The following HSCB variants were observed in gnomAD, a reference collection of about 807,000 sequenced individuals.
The protein encoded by HSCB is iron-sulfur cluster co-chaperone protein HscB.
A neutral mutation model predicts 31.3 loss-of-function variants in HSCB; 23 were observed. The observed-to-expected ratio is 0.74, with a 90% confidence interval of 0.53 to 1.04. The LOEUF (loss-of-function observed/expected upper bound fraction) is 1.04, where lower values mean the gene tolerates loss of function less well. Ranked by LOEUF, HSCB falls within the 50% of genes least tolerant of loss-of-function variation. The pLI is 0.00. For synonymous variants in HSCB, 110 were observed against 104.5 expected (o/e 1.05, Z -0.32); for missense variants, 297 against 288.1 (o/e 1.03, Z -0.22).
chr22:28,755,797 C>T (rs1422208788), intron 5 of HSCB, among the ~76,000 whole-genome samples: 2 of 152,100 alleles, frequency 1.3e-5, no homozygotes. Flanking sequence ...GATAATTCTT[C>T]GTTTGGGGGA....
intron 4 of HSCB, among the ~76,000 whole-genome samples, chr22:28,750,473 C>T (rs897907967): frequency 8.5e-5 from 13 of 152,076 alleles, no homozygotes; most frequent in Admixed American, 3.3e-4. Context: ...CTTTTGTGGA[C>T]ACCACACTGC....
At chr22:28,754,318 A>G (rs1235051691) in intron 5 of HSCB, among the ~76,000 whole-genome samples, 3 of 152,116 alleles carry the variant, frequency 2.0e-5, no homozygotes, top group African/African-American at 7.2e-5. Flanking sequence ...AGAGTCAGGA[A>G]GAGGAAAATA....
Position 28,750,288 on chromosome 22 carries a change from G to T in HSCB, c.569-953G>T, listed in dbSNP as rs563622136. 1.6e-4 allele frequency among the ~76,000 whole-genome samples: 22 copies of T among 140,430 alleles called. 1 individual carries two copies. In the South Asian group the frequency reaches 4.8e-3, roughly 31 times the overall value. 92.1% of individuals were successfully genotyped at this position (140,430 alleles called of 152,430 possible). ...AAAAAAAAAAAAAACACTTATTCTA[G>T]CCCTATAGTAAACATTTGACTTTGA... On this transcript the variant is annotated intron_variant, in intron 4 of 5. Coordinates refer to ENST00000216027, the MANE Select transcript of HSCB (RefSeq NM_172002.5).
At chr22:28,748,496 C>A (rs1353029144) in intron 4 of HSCB, among the ~76,000 whole-genome samples, 1 of 151,730 alleles carries the variant, frequency 6.6e-6, no homozygotes, top group South Asian at 2.1e-4. Flanking sequence ...TTTTTGAAAC[C>A]CAAGCGTTTT....
intron 4 of HSCB, among the ~76,000 whole-genome samples, chr22:28,748,439 G>A (rs73170631): frequency 0.039 from 5,995 of 151,896 alleles, 184 homozygotes; most frequent in Middle Eastern, 0.099. Flanking sequence ...TGGTCTGTCC[G>A]TACCTTCAGG....
At chr22:28,751,158 G>C (rs1219421526) in intron 4 of HSCB, 83 bp from the exon 5 acceptor site, 28 of 822,696 alleles carry the variant, frequency 3.4e-5, no homozygotes, top group Middle Eastern at 2.3e-4. Flanking sequence ...GTTCAAACCA[G>C]CATGATTACA....
At chr22:28,748,243 A>G (rs886345167) in intron 4 of HSCB, among the ~76,000 whole-genome samples, 2 of 152,190 alleles carry the variant, frequency 1.3e-5, no homozygotes, top group African/African-American at 4.8e-5. Context: ...CACCACTTGC[A>G]CAAGCGTAAA....
chr22:28,742,401 G>C, intron 1 of HSCB, 70 bp downstream of exon 1: 1 of 1,571,438 alleles, frequency 6.4e-7, no homozygotes, highest in Non-Finnish European at 8.7e-7. Context: ...CGAGAGGGGA[G>C]GACGGATCTG....
In HSCB at chr22:28,750,956, T is replaced by TTC. The variant is rs2030198679; in HGVS notation, c.569-284_569-283insCT. 3.5e-5 allele frequency among the ~76,000 whole-genome samples: 5 copies of TTC among 143,804 alleles called. 1 individual carries two copies. Among genetic ancestry groups the TTC allele is most frequent in the Non-Finnish European group, 7.6e-5 (5 of 66,194 alleles). The allele number at this position is 143,804 out of a possible 152,430, so 94.3% of individuals were successfully genotyped here. ...AAGTATATCTTTGTCTTTTTTTTTT[T>TTC]TTTTTTTTTTTTTACTGATTCTATA... is the stretch of plus-strand genomic sequence containing the variant. On this transcript the variant is annotated intron_variant, in intron 4 of 5. Transcript: ENST00000216027.
At position 28,742,054 on chromosome 22, in the gene HSCB, T is replaced by G. The variant is rs1193366307; in HGVS notation, c.-42T>G. On this transcript the variant is annotated 5_prime_UTR_variant, in exon 1 of 6. Transcript: ENST00000216027. ...TAGTCTGGTTAGACGCTCTCTTTGC[T>G]TTTCCCCACGAGTGACCACGGCTAG... The G allele has an allele frequency of 5.7e-6, 9 of 1,568,592 alleles. No homozygotes were observed. The African/African-American group carries it at 6.8e-5, about 12-fold the overall frequency.
intron 2 of HSCB, 74 bp from the exon 3 acceptor site, chr22:28,744,541 G>A (rs9625551): frequency 0.035 from 39,986 of 1,154,858 alleles, 1,177 homozygotes; most frequent in East Asian, 0.098. Flanking sequence ...ATGACTCAAC[G>A]TCAAAACAAA....
intron 5 of HSCB, among the ~76,000 whole-genome samples, chr22:28,753,051 C>G (rs5997393): frequency 0.12 from 18,920 of 151,738 alleles, 1,248 homozygotes; most frequent in East Asian, 0.18. Flanking sequence ...TGCACTCCAA[C>G]CTGGGTGACA....
rs2054639541 is a variant in HSCB, at chr22:28,743,937, C to G, written c.292C>G (p.Gln98Glu). The change falls in exon 2 of 6, where the codon CAG becomes GAG. Residue 98 changes from glutamine to glutamate, a missense_variant. Coordinates refer to ENST00000216027, the MANE Select transcript of HSCB (RefSeq NM_172002.5). Reference sequence around the variant, plus strand: ...GCTCCAGCACAGGTACCAGCAACTGCAGCGTCTTGTCCACCCAGATTTCTT... The same window carrying G: ...GCTCCAGCACAGGTACCAGCAACTGGAGCGTCTTGTCCACCCAGATTTCTT... Reference protein sequence around the residue: ...AKLQHRYQQLQRLVHPDFFSQ... With the variant: ...AKLQHRYQQLERLVHPDFFSQ... The G allele has an allele frequency of 6.2e-7, 1 of 1,614,198 alleles. No homozygotes were observed. The highest frequency in any genetic ancestry group is 1.3e-5 in the African/African-American group (1 of 75,072).
At position 28,742,206 on chromosome 22, in the gene HSCB, T is replaced by C; in HGVS notation, c.111T>C (p.Asn37=). 1 of 1,613,792 alleles carries C rather than the reference T, an allele frequency of 6.2e-7. No individual in the cohort carries two copies. Among genetic ancestry groups the C allele is most frequent in the Non-Finnish European group, 8.5e-7 (1 of 1,179,928 alleles). The change falls in exon 1 of 6, where the codon AAT becomes AAC. Residue 37 remains asparagine (N), a synonymous_variant. Coordinates refer to ENST00000216027, the MANE Select transcript of HSCB (RefSeq NM_172002.5). ...SCDAASQAGS[N]YPRCWNCGGP... is the part of the protein sequence containing the mutation. The stretch of plus-strand genomic sequence containing the variant: ...ATGCTGCGTCGCAGGCGGGAAGCAA[T>C]TATCCCCGCTGTTGGAACTGCGGCG...
intron 4 of HSCB, among the ~76,000 whole-genome samples, chr22:28,749,642 G>A (rs1044447160): frequency 1.6e-4 from 24 of 152,164 alleles, no homozygotes; most frequent in African/African-American, 5.6e-4. Context: ...AAACAGTAAT[G>A]AGAAAAGATG....
chr22:28,745,167 T>C (rs1366044207), intron 3 of HSCB: 2 of 153,684 alleles, frequency 1.3e-5, no homozygotes, highest in Non-Finnish European at 2.9e-5. Flanking sequence ...ATTGTGATTT[T>C]CTAGCTTTTT....
In HSCB at chr22:28,757,259, G is replaced by A; in HGVS notation, c.*90G>A. On this transcript the variant is annotated 3_prime_UTR_variant, in exon 6 of 6. Transcript: ENST00000216027. Reference sequence around the variant, plus strand: ...CCCAGCACTTTGGGAGGCTGAGGTGGGTGGATGACAAGGTCAGGAGTTCAA... The same window carrying A: ...CCCAGCACTTTGGGAGGCTGAGGTGAGTGGATGACAAGGTCAGGAGTTCAA... The A allele has an allele frequency of 1.5e-6, 1 of 658,688 alleles. No individual in the cohort carries two copies. Among genetic ancestry groups the A allele is most frequent in the Non-Finnish European group, 2.7e-6 (1 of 365,678 alleles). 40.8% of individuals were successfully genotyped at this position (658,688 alleles called of 1,614,324 possible).
chr22:28,752,429 CAAAAAAAAA>C (rs564221588), intron 5 of HSCB, among the ~76,000 whole-genome samples: 11 of 65,998 alleles, frequency 1.7e-4, no homozygotes, highest in Middle Eastern at 0.021. Flanking sequence ...GACTTTGTCT[CAAAAAAAAA>C]AAAAAAAAAA....
At chr22:28,752,278 A>G (rs1305369542) in intron 5 of HSCB, among the ~76,000 whole-genome samples, 1 of 151,946 alleles carries the variant, frequency 6.6e-6, no homozygotes, top group Non-Finnish European at 1.5e-5. Context: ...TACTAAAAAT[A>G]CAAAATTAGC....
Sources: gnomAD v4.1 joint callset for allele counts (sites outside exome capture counted in the v4.1 genomes callset) on GRCh38, gnomAD v4.1.1 for gene constraint, MANE v1.5 for transcripts, NCBI Gene and HGNC (gene_info 2026-07-23, HGNC 2026-07-21) for gene names.